XYLT1: variants seen among roughly 807,000 people sequenced by gnomAD.
The protein encoded by XYLT1 is beta-D-xylosyltransferase 1.
XYLT1 carries 36 observed loss-of-function variants against 91.3 expected under a neutral mutation model. That is an observed-to-expected ratio of 0.39 (90% CI 0.30 to 0.52). The LOEUF (loss-of-function observed/expected upper bound fraction) is 0.52, where lower values mean the gene tolerates loss of function less well. Ranked by LOEUF, XYLT1 falls within the 20% of genes least tolerant of loss-of-function variation. XYLT1 has a pLI of 0.68. For missense variants in XYLT1, 1,242 were observed against 1,284.5 expected, an observed-to-expected ratio of 0.97 and a Z score of 0.51; for synonymous variants, 588 against 532.0, an observed-to-expected ratio of 1.11 and a Z score of -1.45.
intron 1 of XYLT1, among the ~76,000 whole-genome samples, chr16:17,370,030 G>A (rs940666864): frequency 1.3e-5 from 2 of 152,252 alleles, no homozygotes; most frequent in African/African-American, 2.4e-5. Context: ...AACATCCTGC[G>A]AGACCCTTAC....
At chr16:17,408,097 T>A (rs1217266811) in intron 1 of XYLT1, among the ~76,000 whole-genome samples, 1 of 152,200 alleles carries the variant, frequency 6.6e-6, no homozygotes, top group Non-Finnish European at 1.5e-5. Flanking sequence ...CCAAATAAAC[T>A]TTCTTTCTTT....
rs35623153 is a variant in XYLT1, at chr16:17,465,143, CAAAAAAAAAAAA to C, written c.363+5279_363+5290del. On this transcript the variant is annotated intron_variant, in intron 1 of 11. Transcript: ENST00000261381. ...TGGGTGACAGAGCAAGATGCTGTCT[CAAAAAAAAAAAA>C]AAAAAAAAAAAAAAAAGATTTTTGG... Among the ~76,000 whole-genome samples, 42 of 35,888 alleles carry C rather than the reference CAAAAAAAAAAAA, an allele frequency of 1.2e-3. 1 individual carries two copies. Among genetic ancestry groups the C allele is most frequent in the South Asian group, 7.1e-3 (4 of 564 alleles). The allele number at this position is 35,888 out of a possible 152,430, so 23.5% of individuals were successfully genotyped here. A position where few individuals can be genotyped will look rare whatever the true frequency, so the allele number is the denominator to read the frequency against.
At chr16:17,169,552 C>A (rs555408433) in intron 5 of XYLT1, among the ~76,000 whole-genome samples, 22 of 151,814 alleles carry the variant, frequency 1.4e-4, no homozygotes, top group Non-Finnish European at 3.2e-4. Context: ...TTCCTTCAGA[C>A]GGCTGTAATG....
chr16:17,294,938 C>A (rs985941569), intron 2 of XYLT1, among the ~76,000 whole-genome samples: 1 of 152,156 alleles, frequency 6.6e-6, no homozygotes, highest in African/African-American at 2.4e-5. Context: ...CAACAAAACC[C>A]TTGCCTTCAC....
chr16:17,265,359 A>G (rs1263539764), intron 2 of XYLT1, among the ~76,000 whole-genome samples: 1 of 152,218 alleles, frequency 6.6e-6, no homozygotes, highest in Non-Finnish European at 1.5e-5. Context: ...CCTAGAGGAC[A>G]GATGGGTTAT....
chr16:17,251,614 C>T (rs905088439), intron 3 of XYLT1, among the ~76,000 whole-genome samples: 11 of 152,166 alleles, frequency 7.2e-5, no homozygotes, highest in Non-Finnish European at 1.2e-4. Flanking sequence ...GGCTGGTGGC[C>T]GTGAGGGCCA....
intron 10 of XYLT1, among the ~76,000 whole-genome samples, chr16:17,124,469 G>T (rs964212139): frequency 6.6e-6 from 1 of 152,186 alleles, no homozygotes; most frequent in Non-Finnish European, 1.5e-5. Context: ...TGTTTCTGCT[G>T]TGAGAAATCT....
At chr16:17,407,062 C>T (rs894955977) in intron 1 of XYLT1, among the ~76,000 whole-genome samples, 7 of 152,112 alleles carry the variant, frequency 4.6e-5, no homozygotes, top group South Asian at 2.1e-4. Context: ...AATGCAGTGA[C>T]GCAATCTCGG....
At chr16:17,412,351 G>A (rs981244730) in intron 1 of XYLT1, among the ~76,000 whole-genome samples, 1 of 151,680 alleles carries the variant, frequency 6.6e-6, no homozygotes, top group Non-Finnish European at 1.5e-5. Flanking sequence ...CCACGTGAGG[G>A]GGTCCTGGCG....
chr16:17,204,106 CGAG>C (rs2032595143), intron 3 of XYLT1, among the ~76,000 whole-genome samples: 2 of 152,136 alleles, frequency 1.3e-5, no homozygotes, highest in Non-Finnish European at 2.9e-5. Flanking sequence ...TGAGTGTTGC[CGAG>C]TCCAAAGCCA....
intron 5 of XYLT1, among the ~76,000 whole-genome samples, chr16:17,172,043 A>G (rs1236867250): frequency 1.3e-5 from 2 of 152,216 alleles, no homozygotes; most frequent in Non-Finnish European, 2.9e-5. Context: ...TCGCAATATG[A>G]CATGCCTTGT....
At chr16:17,164,293 ATT>A (rs35498609) in intron 5 of XYLT1, among the ~76,000 whole-genome samples, 7 of 101,274 alleles carry the variant, frequency 6.9e-5, no homozygotes, top group Non-Finnish European at 8.0e-5. Flanking sequence ...GATGTCACAA[ATT>A]TTTTTTTTTT....
At position 17,106,790 on chromosome 16, in the gene XYLT1, G is replaced by C. The variant is rs1268558093; in HGVS notation, c.*1905C>G. On this transcript the variant is annotated 3_prime_UTR_variant, in exon 12 of 12. Transcript: ENST00000261381. ...TCCAATACTCTTGGAATCCGAGGGAGAGTGAGGCTGACACTCTGCATAAGG... is the reference window on the plus strand; with the variant it reads ...TCCAATACTCTTGGAATCCGAGGGACAGTGAGGCTGACACTCTGCATAAGG... The C allele has an allele frequency of 3.9e-5, 6 of 152,100 alleles. No homozygotes were observed. The highest frequency in any genetic ancestry group is 3.9e-4 in the Admixed American group (6 of 15,284). The allele number at this position is 152,100 out of a possible 1,614,324, so 9.4% of individuals were successfully genotyped here.
At chr16:17,201,173 T>G (rs1429323980) in intron 3 of XYLT1, among the ~76,000 whole-genome samples, 1 of 152,216 alleles carries the variant, frequency 6.6e-6, no homozygotes, top group East Asian at 1.9e-4. Flanking sequence ...TGCTGCCTAT[T>G]AATACAATGT....
intron 2 of XYLT1, among the ~76,000 whole-genome samples, chr16:17,288,388 A>G (rs984279651): frequency 6.6e-6 from 1 of 151,956 alleles, no homozygotes; most frequent in African/African-American, 2.4e-5. Flanking sequence ...TGGCAAGAGT[A>G]ACGGCAGCTG....
intron 9 of XYLT1, among the ~76,000 whole-genome samples, chr16:17,132,699 T>C (rs553258293): frequency 1.6e-4 from 25 of 152,286 alleles, no homozygotes; most frequent in African/African-American, 5.8e-4. Context: ...GGTCAGGAGT[T>C]CGAGACCAGC....
intron 5 of XYLT1, among the ~76,000 whole-genome samples, chr16:17,187,605 C>G (rs1196420869): frequency 7.0e-6 from 1 of 143,714 alleles, no homozygotes; most frequent in Non-Finnish European, 1.5e-5. Context: ...TTAAAAAGGT[C>G]AATTTTATTT....
At chr16:17,418,792 G>C (rs1414349490) in intron 1 of XYLT1, among the ~76,000 whole-genome samples, 3 of 151,964 alleles carry the variant, frequency 2.0e-5, no homozygotes, top group Non-Finnish European at 4.4e-5. Flanking sequence ...AGGCTGCAGA[G>C]AGCCATGATG....
chr16:17,386,687 G>A (rs7186731), intron 1 of XYLT1, among the ~76,000 whole-genome samples: 45,792 of 152,108 alleles, frequency 0.3, 7,403 homozygotes, highest in Non-Finnish European at 0.37. Flanking sequence ...GTATCCACGA[G>A]CCAGTTTAGA....
Sources: allele counts gnomAD v4.1 joint callset (sites outside exome capture counted in the v4.1 genomes callset), GRCh38; gene constraint gnomAD v4.1.1; transcripts MANE v1.5; gene names NCBI Gene and HGNC (gene_info 2026-07-23, HGNC 2026-07-21).